XYLB: variants seen among roughly 807,000 people sequenced by gnomAD.
XYLB encodes xylulose kinase.
Under a neutral mutation model 78.7 loss-of-function variants are expected in XYLB, and 62 were observed. The observed-to-expected ratio is 0.79, with a 90% confidence interval of 0.64 to 0.97. XYLB has a LOEUF of 0.97. XYLB is among the 50% of genes least tolerant of loss of function. The probability of loss-of-function intolerance (pLI) is 0.00; values close to 1 mark genes in which losing one functional copy is unlikely to be tolerated. For synonymous variants in XYLB, 245 were observed against 247.4 expected, an observed-to-expected ratio of 0.99 and a Z score of 0.09; for missense variants, 687 against 676.8, an observed-to-expected ratio of 1.02 and a Z score of -0.17.
intron 2 of XYLB, among the ~76,000 whole-genome samples, chr3:38,354,252 G>A (rs866319419): frequency 6.6e-6 from 1 of 152,038 alleles, no homozygotes; most frequent in Non-Finnish European, 1.5e-5. Context: ...ATTTTTAGTA[G>A]AGATGGGTTT....
At chr3:38,346,951 C>A in intron 1 of XYLB, 26 bp downstream of exon 1, 1 of 1,444,684 alleles carries the variant, frequency 6.9e-7, no homozygotes, top group Non-Finnish European at 9.1e-7. Flanking sequence ...CGCAGGGCCA[C>A]GGGGCCGCCT....
chr3:38,417,190 C>A (rs373439749), downstream of XYLB, among the ~76,000 whole-genome samples: 1 of 152,178 alleles, frequency 6.6e-6, no homozygotes, highest in Admixed American at 6.5e-5. Flanking sequence ...AATCCCAGCA[C>A]TTTGGGAGGC....
the XYLB span, among the ~76,000 whole-genome samples, chr3:38,436,965 C>CT: frequency 6.6e-6 from 1 of 150,562 alleles, no homozygotes; most frequent in African/African-American, 2.4e-5. Flanking sequence ...GATCACACCA[C>CT]TGCACTCCAG....
At chr3:38,363,117 A>T (rs1706065559) in intron 4 of XYLB, 100 bp downstream of exon 4, 2 of 936,364 alleles carry the variant, frequency 2.1e-6, no homozygotes, top group Middle Eastern at 3.5e-4. Context: ...GGAGCGGCTC[A>T]TTCTTGACAG....
intron 15 of XYLB, among the ~76,000 whole-genome samples, chr3:38,388,110 C>T (rs1357334710): frequency 6.7e-6 from 1 of 150,290 alleles, no homozygotes; most frequent in Admixed American, 6.6e-5. Flanking sequence ...CTAATGTTTA[C>T]CTGCAGAAAA....
intron 15 of XYLB, among the ~76,000 whole-genome samples, chr3:38,383,796 A>G (rs551046286): frequency 5.3e-5 from 8 of 152,246 alleles, no homozygotes; most frequent in African/African-American, 1.7e-4. Flanking sequence ...ATGTCTCAAA[A>G]AAATAAAGGA....
At chr3:38,451,634 A>G in the XYLB span, 2 of 152,668 alleles carry the variant, frequency 1.3e-5, no homozygotes, top group Non-Finnish European at 2.9e-5. Context: ...AAACAAAAAC[A>G]AAAACAAAAA....
At chr3:38,397,548 G>A (rs1362735350) in intron 17 of XYLB, among the ~76,000 whole-genome samples, 1 of 152,130 alleles carries the variant, frequency 6.6e-6, no homozygotes, top group Non-Finnish European at 1.5e-5. Flanking sequence ...CAAAGGGGAA[G>A]GCTTCAGGCC....
chr3:38,439,107 T>G, the XYLB span, among the ~76,000 whole-genome samples: 4 of 152,072 alleles, frequency 2.6e-5, no homozygotes, highest in Admixed American at 2.6e-4. Context: ...CACCTCTCAA[T>G]CTCCCCTCTA....
chr3:38,389,098 G>A lies in XYLB; in HGVS notation c.1292-6407G>A, dbSNP rs1174762006. Reference sequence around the variant, plus strand: ...TAGGCAGAGGACCCTGCGGCCTTCCGCAGTGTTTGTGTCCCTGGGTACTTG... The same window carrying A: ...TAGGCAGAGGACCCTGCGGCCTTCCACAGTGTTTGTGTCCCTGGGTACTTG... On this transcript the variant is annotated intron_variant, in intron 15 of 18. Transcript: ENST00000207870. Among the ~76,000 whole-genome samples, 43 of 147,030 alleles carry A rather than the reference G, an allele frequency of 2.9e-4. 1 individual carries two copies. The South Asian group carries it at 5.6e-3, about 19-fold the overall frequency.
intron 12 of XYLB, among the ~76,000 whole-genome samples, 163 bp downstream of exon 12, chr3:38,375,422 T>A (rs531219487): frequency 1.3e-5 from 2 of 152,340 alleles, no homozygotes; most frequent in East Asian, 3.9e-4. Flanking sequence ...TCACCAGCTC[T>A]TGCTGACAGC....
At chr3:38,369,916 A>G in intron 8 of XYLB, 140 bp from the exon 9 acceptor site, 1 of 750,712 alleles carries the variant, frequency 1.3e-6, no homozygotes, top group Non-Finnish European at 2.3e-6. Context: ...AGAACAACAC[A>G]AGCATATATA....
chr3:38,411,447 G>T (rs1343046080), intron 18 of XYLB, among the ~76,000 whole-genome samples: 1 of 151,956 alleles, frequency 6.6e-6, no homozygotes, highest in South Asian at 2.1e-4. Context: ...GAGTTAATGA[G>T]TGCAGCACAC....
At chr3:38,421,159 C>A (rs1708963727), downstream of XYLB, 1 of 152,286 alleles carries the variant, frequency 6.6e-6, no homozygotes, top group Non-Finnish European at 1.5e-5. Context: ...TGAACGCTGT[C>A]ACCCCTGATC....
Position 38,379,305 on chromosome 3 carries a change from C to G in XYLB, c.1254C>G (p.Ala418=), listed in dbSNP as rs370433932. Reference sequence around the variant, plus strand: ...CACTAATTGAAGGACAATTCATGGCCAAGAGGATTCACGCAGAAGGCCTGG... The same window carrying G: ...CACTAATTGAAGGACAATTCATGGCGAAGAGGATTCACGCAGAAGGCCTGG... The part of the protein sequence containing the change: ...VRALIEGQFM[A]KRIHAEGLGY... Residue 418 remains alanine (A), a synonymous_variant, in exon 15 of 19, where the codon GCC becomes GCG. Transcript: ENST00000207870. The G allele has an allele frequency of 6.2e-7, 1 of 1,614,032 alleles. No homozygotes were observed. Among genetic ancestry groups the G allele is most frequent in the Non-Finnish European group, 8.5e-7 (1 of 1,180,036 alleles).
downstream of XYLB, among the ~76,000 whole-genome samples, chr3:38,415,637 G>T (rs922143009): frequency 6.6e-6 from 1 of 152,082 alleles, no homozygotes; most frequent in African/African-American, 2.4e-5. Flanking sequence ...ACAAAAATTA[G>T]CTGGGTATGG....
chr3:38,429,583 T>C, the XYLB span, among the ~76,000 whole-genome samples: 42 of 152,302 alleles, frequency 2.8e-4, no homozygotes, highest in African/African-American at 9.4e-4. Flanking sequence ...TATTATACTT[T>C]AAGTTCTAGG....
At chr3:38,441,716 T>G in the XYLB span, among the ~76,000 whole-genome samples, 3 of 152,202 alleles carry the variant, frequency 2.0e-5, no homozygotes, top group Admixed American at 1.3e-4. Context: ...TCTTTTCTTG[T>G]ATTATTTTGA....
At chr3:38,432,570 A>T in the XYLB span, among the ~76,000 whole-genome samples, 1 of 151,878 alleles carries the variant, frequency 6.6e-6, no homozygotes, top group East Asian at 1.9e-4. Flanking sequence ...CGTCAAAAAA[A>T]AAATTTACTT....
Sources: gnomAD v4.1 joint callset for allele counts (sites outside exome capture counted in the v4.1 genomes callset) on GRCh38, gnomAD v4.1.1 for gene constraint, MANE v1.5 for transcripts, NCBI Gene and HGNC (gene_info 2026-07-23, HGNC 2026-07-21) for gene names.